SLC39A11: variants seen among roughly 807,000 people sequenced by gnomAD.
SLC39A11 encodes solute carrier family 39 member 11.
SLC39A11 carries 33 observed loss-of-function variants against 36.1 expected under a neutral mutation model. The ratio of observed to expected loss-of-function variants is 0.91; its 90% confidence interval spans 0.69 to 1.22. SLC39A11 has a LOEUF of 1.22. Ranked by LOEUF, SLC39A11 falls within the 50% of genes most tolerant of loss-of-function variation. The pLI, the probability that SLC39A11 is intolerant of heterozygous loss-of-function variation, is 0.00. For synonymous variants in SLC39A11, 166 were observed against 170.3 expected, an observed-to-expected ratio of 0.97 and a Z score of 0.20; for missense variants, 432 against 430.3, an observed-to-expected ratio of 1.00 and a Z score of -0.03.
At chr17:72,819,749 G>A (rs1384136692) in intron 6 of SLC39A11, among the ~76,000 whole-genome samples, 3 of 151,412 alleles carry the variant, frequency 2.0e-5, no homozygotes, top group Non-Finnish European at 3.0e-5. Context: ...ATTTTGGGAA[G>A]TAGGTGGCAC....
intron 6 of SLC39A11, among the ~76,000 whole-genome samples, chr17:72,792,991 G>A (rs1372918740): frequency 6.6e-6 from 1 of 152,120 alleles, no homozygotes; most frequent in Admixed American, 6.5e-5. Context: ...GCGGGGTGGG[G>A]GCGAGGGACA....
At chr17:72,985,982 C>A (rs1285437125) in intron 4 of SLC39A11, among the ~76,000 whole-genome samples, 1 of 152,076 alleles carries the variant, frequency 6.6e-6, no homozygotes, top group Non-Finnish European at 1.5e-5. Context: ...TGGAGTTATG[C>A]TACTAGAAGC....
intron 5 of SLC39A11, among the ~76,000 whole-genome samples, chr17:72,861,420 T>C (rs531028641): frequency 2.2e-4 from 33 of 152,052 alleles, no homozygotes; most frequent in African/African-American, 7.7e-4. Flanking sequence ...AAATAGTGGA[T>C]GCACTCCTCT....
intron 6 of SLC39A11, among the ~76,000 whole-genome samples, chr17:72,738,312 A>T (rs2074523670): frequency 6.6e-6 from 1 of 152,076 alleles, no homozygotes; most frequent in Non-Finnish European, 1.5e-5. Flanking sequence ...CCAAGCAAGC[A>T]TTTTTATATG....
At chr17:72,808,664 A>T (rs573699502) in intron 6 of SLC39A11, among the ~76,000 whole-genome samples, 1 of 152,196 alleles carries the variant, frequency 6.6e-6, no homozygotes, top group African/African-American at 2.4e-5. Context: ...GCTCCTATAG[A>T]TAACACTATA....
At chr17:73,009,259 C>A (rs1350610645) in intron 4 of SLC39A11, among the ~76,000 whole-genome samples, 1 of 148,112 alleles carries the variant, frequency 6.8e-6, no homozygotes, top group Admixed American at 6.8e-5. Flanking sequence ...GTCCCCGCTA[C>A]GGGGGAGGCT....
chr17:73,007,464 C>T (rs916997563), intron 4 of SLC39A11, among the ~76,000 whole-genome samples: 3 of 152,118 alleles, frequency 2.0e-5, no homozygotes, highest in East Asian at 1.9e-4. Context: ...CTCAGGGCAA[C>T]GCCATCATCA....
intron 5 of SLC39A11, among the ~76,000 whole-genome samples, chr17:72,850,924 C>G (rs949356167): frequency 6.6e-6 from 1 of 152,148 alleles, no homozygotes; most frequent in Non-Finnish European, 1.5e-5. Context: ...CTGGCTCAGC[C>G]AATCAGAATC....
At chr17:72,884,028 A>C (rs1241513638) in intron 5 of SLC39A11, among the ~76,000 whole-genome samples, 1 of 152,076 alleles carries the variant, frequency 6.6e-6, no homozygotes, top group African/African-American at 2.4e-5. Flanking sequence ...AGTGGCGTGC[A>C]CCTGTGGTCC....
intron 7 of SLC39A11, among the ~76,000 whole-genome samples, chr17:72,734,930 C>A (rs2074361001): frequency 6.6e-6 from 1 of 152,132 alleles, no homozygotes; most frequent in South Asian, 2.1e-4. Flanking sequence ...GAGTCAGGAT[C>A]AAAACTGCTG....
At chr17:72,743,432 T>A (rs2074799736) in intron 6 of SLC39A11, among the ~76,000 whole-genome samples, 1 of 152,160 alleles carries the variant, frequency 6.6e-6, no homozygotes, top group African/African-American at 2.4e-5. Flanking sequence ...AGTTCACAAA[T>A]GAGCATTCTG....
intron 7 of SLC39A11, among the ~76,000 whole-genome samples, chr17:72,651,928 A>T (rs558113853): frequency 6.6e-6 from 1 of 152,146 alleles, no homozygotes; most frequent in African/African-American, 2.4e-5. Flanking sequence ...TGTCTATATC[A>T]CCCAAGTTTG....
At chr17:72,944,731 C>T (rs914750288) in intron 5 of SLC39A11, among the ~76,000 whole-genome samples, 1 of 152,166 alleles carries the variant, frequency 6.6e-6, no homozygotes, top group Non-Finnish European at 1.5e-5. Context: ...AGCAAAGCAT[C>T]AGAATTAACC....
At chr17:72,963,302 C>G (rs2086752824) in intron 4 of SLC39A11, among the ~76,000 whole-genome samples, 1 of 151,188 alleles carries the variant, frequency 6.6e-6, no homozygotes, top group Admixed American at 6.6e-5. Context: ...TCCAGAGTAG[C>G]TGGGACTACA....
At chr17:72,871,538 G>C (rs1016454905) in intron 5 of SLC39A11, among the ~76,000 whole-genome samples, 1 of 152,104 alleles carries the variant, frequency 6.6e-6, no homozygotes, top group African/African-American at 2.4e-5. Flanking sequence ...TACAGGTTGA[G>C]TTGATCACCA....
chr17:72,908,732 G>A (rs8081446), intron 5 of SLC39A11, among the ~76,000 whole-genome samples: 10,345 of 152,292 alleles, frequency 0.068, 398 homozygotes, highest in African/African-American at 0.11. Flanking sequence ...CCAGCATGGT[G>A]TCATTATATG....
intron 6 of SLC39A11, among the ~76,000 whole-genome samples, chr17:72,824,762 C>T (rs969806631): frequency 1.1e-4 from 17 of 151,346 alleles, no homozygotes; most frequent in Non-Finnish European, 1.8e-4. Context: ...CCCCTGCTCT[C>T]GTGACCTGTG....
At chr17:72,854,377 G>A (rs1020531716) in intron 5 of SLC39A11, among the ~76,000 whole-genome samples, 10 of 152,082 alleles carry the variant, frequency 6.6e-5, no homozygotes, top group Non-Finnish European at 1.3e-4. Context: ...GGTAGTGGGA[G>A]CAGTTGCTGC....
At chr17:72,946,993 G>C (rs1225779420) in intron 5 of SLC39A11, among the ~76,000 whole-genome samples, 1 of 152,186 alleles carries the variant, frequency 6.6e-6, no homozygotes, top group East Asian at 1.9e-4. Context: ...AGCATCTTTA[G>C]CTTTTCTGGC....
Sources: gnomAD v4.1 joint callset for allele counts (sites outside exome capture counted in the v4.1 genomes callset) on GRCh38, gnomAD v4.1.1 for gene constraint, MANE v1.5 for transcripts, NCBI Gene and HGNC (gene_info 2026-07-23, HGNC 2026-07-21) for gene names.